Variants in LRP1B observed in about 807,000 individuals in gnomAD.
LRP1B encodes the protein LDL receptor related protein 1B, also known as low-density lipoprotein receptor-related protein 1B.
LRP1B carries 217 observed loss-of-function variants against 556.6 expected under a neutral mutation model. That is an observed-to-expected ratio of 0.39 (90% CI 0.35 to 0.44). LRP1B has a LOEUF of 0.44. Among genes scored for constraint, LRP1B ranks in the 20% least tolerant of loss-of-function variants. The pLI, the probability that LRP1B is intolerant of heterozygous loss-of-function variation, is 1.00. For missense variants in LRP1B, 5,053 were observed against 5,620.8 expected (o/e 0.90, Z 3.23); for synonymous variants, 2,047 against 1,865.8 (o/e 1.10, Z -2.50).
At chr2:140,915,599 C>G (rs7599955) in intron 21 of LRP1B, among the ~76,000 whole-genome samples, 25,442 of 151,444 alleles carry the variant, frequency 0.17, 2,579 homozygotes, top group East Asian at 0.4. Flanking sequence ...TTGCAGTGAG[C>G]TGAGGTCGCA....
At chr2:141,445,454 T>C (rs1003045145) in intron 3 of LRP1B, among the ~76,000 whole-genome samples, 12 of 152,176 alleles carry the variant, frequency 7.9e-5, no homozygotes, top group Non-Finnish European at 1.6e-4. Context: ...TTATTTCTTG[T>C]CTTCTGATAA....
intron 41 of LRP1B, among the ~76,000 whole-genome samples, chr2:140,629,768 T>C (rs1683812084): frequency 6.6e-6 from 1 of 152,204 alleles, no homozygotes; most frequent in African/African-American, 2.4e-5. Context: ...AGATATTACC[T>C]CTCTGGAATG....
intron 2 of LRP1B, among the ~76,000 whole-genome samples, chr2:141,532,870 C>T (rs1186133954): frequency 1.3e-5 from 2 of 152,122 alleles, no homozygotes; most frequent in Non-Finnish European, 2.9e-5. Flanking sequence ...CCGGTAATCC[C>T]AGCTACTTGG....
chr2:140,476,908 A>G (rs902911449), intron 59 of LRP1B, among the ~76,000 whole-genome samples: 5 of 152,082 alleles, frequency 3.3e-5, no homozygotes, highest in Admixed American at 3.3e-4. Context: ...TTAACTTTAA[A>G]CATACTTTGA....
intron 75 of LRP1B, among the ~76,000 whole-genome samples, chr2:140,355,694 T>C (rs1018734990): frequency 1.3e-5 from 2 of 151,912 alleles, no homozygotes; most frequent in Non-Finnish European, 2.9e-5. Context: ...TGAATATGAA[T>C]ACAAATAGCA....
chr2:141,560,310 G>C (rs1686100564), intron 2 of LRP1B, among the ~76,000 whole-genome samples: 1 of 151,688 alleles, frequency 6.6e-6, no homozygotes, highest in South Asian at 2.1e-4. Flanking sequence ...AAAGTATACT[G>C]GGAAGAGGGT....
chr2:140,313,820 A>C (rs1337448413), intron 83 of LRP1B, among the ~76,000 whole-genome samples: 1 of 151,938 alleles, frequency 6.6e-6, no homozygotes, highest in Non-Finnish European at 1.5e-5. Flanking sequence ...TTAACAGAAT[A>C]AAAATATGTG....
At chr2:140,627,834 A>G (rs181755334) in intron 41 of LRP1B, among the ~76,000 whole-genome samples, 1 of 152,330 alleles carries the variant, frequency 6.6e-6, no homozygotes, top group East Asian at 1.9e-4. Context: ...ACTTTCAACA[A>G]CGTTTTATAA....
intron 40 of LRP1B, among the ~76,000 whole-genome samples, chr2:140,700,896 T>A (rs1161471656): frequency 1.3e-5 from 2 of 152,160 alleles, no homozygotes; most frequent in African/African-American, 4.8e-5. Context: ...CAGTTAAGTA[T>A]ATAAATCTTT....
chr2:141,931,136 A>G (rs910385933), intron 1 of LRP1B, among the ~76,000 whole-genome samples: 1 of 151,936 alleles, frequency 6.6e-6, no homozygotes, highest in African/African-American at 2.4e-5. Flanking sequence ...AGTCTATGAA[A>G]CTCTGGTAAT....
intron 82 of LRP1B, among the ~76,000 whole-genome samples, chr2:140,318,612 A>T (rs1456336649): frequency 1.3e-5 from 2 of 152,040 alleles, no homozygotes; most frequent in Non-Finnish European, 1.5e-5. Context: ...TATGCACGTT[A>T]TTGCTAGAAT....
rs770993774 is a variant in LRP1B at position 141,049,267 on chromosome 2, T to C, written c.1553-45A>G. On this transcript the variant is annotated intron_variant, in intron 10 of 90. Transcript: ENST00000389484. ...AACACAAACAACTGATGCTGCTTAA[T>C]CTTCTTTACACTGCATAATGCCACC... is the stretch of plus-strand genomic sequence containing the variant. 4 of 1,263,698 alleles carry C rather than the reference T, an allele frequency of 3.2e-6. No homozygotes were observed. In the African/African-American group the frequency reaches 5.9e-5, roughly 19 times the overall value. 78.3% of individuals were successfully genotyped at this position (1,263,698 alleles called of 1,614,324 possible).
At position 140,942,046 on chromosome 2, in the gene LRP1B, A is replaced by G. The variant is rs1695417651; in HGVS notation, c.3136+8189T>C. On this transcript the variant is annotated intron_variant, in intron 20 of 90. Transcript: ENST00000389484. ...TTAAAATCCAATCCAGTGAAACAAG[A>G]ATAATGATTCAAGATTTGAAAGATG... 2.6e-5 allele frequency among the ~76,000 whole-genome samples: 4 copies of G among 152,174 alleles called. No homozygotes were observed. In the South Asian group the frequency reaches 8.3e-4, roughly 32 times the overall value.
chr2:140,582,258 C>A (rs560623692), intron 43 of LRP1B, among the ~76,000 whole-genome samples: 60 of 152,228 alleles, frequency 3.9e-4, no homozygotes, highest in African/African-American at 1.3e-3. Flanking sequence ...GAGACCCATG[C>A]CTCATACAGG....
intron 66 of LRP1B, among the ~76,000 whole-genome samples, chr2:140,420,938 A>T (rs934107244): frequency 1.3e-4 from 19 of 151,860 alleles, no homozygotes; most frequent in Non-Finnish European, 1.6e-4. Context: ...TTTAAAACTT[A>T]TCAAATTGTA....
In LRP1B at chr2:141,840,197, T is replaced by C. The variant is rs183611134; in HGVS notation, c.83-29796A>G. Among the ~76,000 whole-genome samples, 42 of 151,926 alleles carry C rather than the reference T, an allele frequency of 2.8e-4. No homozygotes were observed. The East Asian group carries it at 3.7e-3, about 13-fold the overall frequency. On this transcript the variant is annotated intron_variant, in intron 1 of 90. Coordinates refer to ENST00000389484, the MANE Select transcript of LRP1B (RefSeq NM_018557.3). ...CCAATTTGTATAATTGAGGTTATAT[T>C]TGAAAAAGAAAACCCATAGAAACCC...
At chr2:140,764,964 G>A (rs958648306) in intron 35 of LRP1B, among the ~76,000 whole-genome samples, 1 of 152,104 alleles carries the variant, frequency 6.6e-6, no homozygotes, top group Non-Finnish European at 1.5e-5. Context: ...TCCAGACAAT[G>A]ACATCCAAAT....
chr2:142,090,473 G>C (rs1172808141), intron 1 of LRP1B, among the ~76,000 whole-genome samples: 1 of 152,052 alleles, frequency 6.6e-6, no homozygotes, highest in African/African-American at 2.4e-5. Context: ...TGTGGGTACA[G>C]AGATGAAAAT....
At chr2:140,502,146 C>A (rs1370805036) in intron 54 of LRP1B, among the ~76,000 whole-genome samples, 1 of 151,928 alleles carries the variant, frequency 6.6e-6, no homozygotes, top group Non-Finnish European at 1.5e-5. Context: ...AATTAATGAA[C>A]TATTTCTGCC....
Sources: gnomAD v4.1 joint callset for allele counts (sites outside exome capture counted in the v4.1 genomes callset) on GRCh38, gnomAD v4.1.1 for gene constraint, MANE v1.5 for transcripts, NCBI Gene and HGNC (gene_info 2026-07-23, HGNC 2026-07-21) for gene names.